Variants in CHRM3 observed in about 807,000 individuals in gnomAD.
CHRM3 encodes cholinergic receptor muscarinic 3.
In CHRM3, 11 loss-of-function variants were observed where a neutral mutation model predicts 41.8. That is an observed-to-expected ratio of 0.26 (90% confidence interval 0.17 to 0.44). The LOEUF is 0.44. Ranked by LOEUF, CHRM3 falls within the 20% of genes least tolerant of loss-of-function variation. CHRM3 has a pLI of 1.00. For missense variants in CHRM3, 571 were observed against 745.4 expected, an observed-to-expected ratio of 0.77 and a Z score of 2.72; for synonymous variants, 297 against 301.4, an observed-to-expected ratio of 0.99 and a Z score of 0.15.
intron 4 of CHRM3, among the ~76,000 whole-genome samples, chr1:239,664,897 C>T (rs1048446614): frequency 2.0e-5 from 3 of 152,064 alleles, no homozygotes; most frequent in Admixed American, 6.6e-5. Context: ...TGCCAAATCT[C>T]CCTCTCCCTT....
chr1:239,833,722 T>C (rs976431490), intron 6 of CHRM3, among the ~76,000 whole-genome samples: 1 of 152,172 alleles, frequency 6.6e-6, no homozygotes, highest in African/African-American at 2.4e-5. Context: ...TGGTGGAGTC[T>C]GAAGGCTCTG....
chr1:239,485,650 C>A (rs1035896013), intron 1 of CHRM3, among the ~76,000 whole-genome samples: 1 of 152,152 alleles, frequency 6.6e-6, no homozygotes, highest in African/African-American at 2.4e-5. Context: ...GATTGCCTCC[C>A]CAAAACATGT....
chr1:239,532,009 C>CTTTTTTTTTTT (rs34798101), intron 2 of CHRM3, among the ~76,000 whole-genome samples: 2 of 76,290 alleles, frequency 2.6e-5, no homozygotes, highest in African/African-American at 1.1e-4. Context: ...TTCCTTCTTT[C>CTTTTTTTTTTT]TTTTTTTTTT....
chr1:239,584,572 A>G (rs1361368676), intron 3 of CHRM3, among the ~76,000 whole-genome samples: 1 of 152,218 alleles, frequency 6.6e-6, no homozygotes, highest in East Asian at 1.9e-4. Context: ...AGAAAAGAAG[A>G]GAGGTAAGAT....
At chr1:239,653,676 A>T (rs990560065) in intron 4 of CHRM3, among the ~76,000 whole-genome samples, 2 of 152,206 alleles carry the variant, frequency 1.3e-5, no homozygotes, top group Non-Finnish European at 2.9e-5. Flanking sequence ...AATAAGACAC[A>T]TCCACTTAAA....
At chr1:239,539,862 C>T (rs1007748061) in intron 2 of CHRM3, among the ~76,000 whole-genome samples, 3 of 152,298 alleles carry the variant, frequency 2.0e-5, no homozygotes, top group Middle Eastern at 3.4e-3. Context: ...AGCGATCCAC[C>T]TGCCTGAGCC....
chr1:239,848,359 C>T (rs893947695), intron 6 of CHRM3, among the ~76,000 whole-genome samples: 5 of 152,242 alleles, frequency 3.3e-5, no homozygotes, highest in Middle Eastern at 3.4e-3. Context: ...TTCTAACCCA[C>T]AACAAATTAC....
At chr1:239,689,230 T>C (rs1659472196) in intron 5 of CHRM3, among the ~76,000 whole-genome samples, 1 of 152,108 alleles carries the variant, frequency 6.6e-6, no homozygotes, top group Non-Finnish European at 1.5e-5. Context: ...TAATCTTTTT[T>C]GTTGAAAAAT....
intron 3 of CHRM3, among the ~76,000 whole-genome samples, chr1:239,582,791 C>T (rs75331891): frequency 0.035 from 5,286 of 152,172 alleles, 337 homozygotes; most frequent in African/African-American, 0.12. Context: ...CAGTGACTAG[C>T]GTGAAATTTC....
intron 3 of CHRM3, among the ~76,000 whole-genome samples, chr1:239,589,170 G>C (rs1663782650): frequency 6.6e-6 from 1 of 152,108 alleles, no homozygotes; most frequent in South Asian, 2.1e-4. Flanking sequence ...CTGACCTCAA[G>C]TGATCCGCCC....
At position 239,907,611 on chromosome 1, in the gene CHRM3, G is replaced by C. The variant is rs200690991; in HGVS notation, c.160G>C (p.Gly54Arg). 2.4e-5 allele frequency: 38 copies of C among 1,614,002 alleles called. No homozygotes were observed. Among genetic ancestry groups the C allele is most frequent in the Non-Finnish European group, 3.2e-5 (38 of 1,180,034 alleles). Residue 54 changes from glycine (G) to arginine (R), a missense_variant, in exon 7 of 7, where the codon GGT (glycine) becomes CGT (arginine). Transcript: ENST00000676153. The surrounding 1 kb of genome is among the most constrained non-coding windows in gnomAD (Gnocchi z 5.4). ...AGCTGGCAATTTCTCCTCTCCAGAC[G>C]GTACCACCGATGACCCTCTGGGAGG... ...RAAGNFSSPD[G>R]TTDDPLGGHT...
chr1:239,800,658 G>C (rs1670140287), intron 5 of CHRM3, among the ~76,000 whole-genome samples: 1 of 152,192 alleles, frequency 6.6e-6, no homozygotes, highest in African/African-American at 2.4e-5. Flanking sequence ...ACCACACTTT[G>C]TGTAACAGGG....
At chr1:239,502,171 T>C (rs1005789475) in intron 2 of CHRM3, among the ~76,000 whole-genome samples, 1 of 152,018 alleles carries the variant, frequency 6.6e-6, no homozygotes, top group Non-Finnish European at 1.5e-5. Context: ...ATAAATAAAA[T>C]TGATAGACAA....
chr1:239,695,582 A>G (rs1054636035), intron 5 of CHRM3, among the ~76,000 whole-genome samples: 4 of 152,162 alleles, frequency 2.6e-5, no homozygotes, highest in Non-Finnish European at 5.9e-5. Flanking sequence ...CTGGGAAACA[A>G]TAAAAGCTCA....
chr1:239,847,321 A>G (rs1350347784), intron 6 of CHRM3, among the ~76,000 whole-genome samples: 1 of 152,230 alleles, frequency 6.6e-6, no homozygotes, highest in Non-Finnish European at 1.5e-5. Flanking sequence ...TTCAGAGAGA[A>G]AGGGAGAATG....
intron 1 of CHRM3, among the ~76,000 whole-genome samples, chr1:239,487,663 A>C (rs1667265840): frequency 6.6e-6 from 1 of 152,170 alleles, no homozygotes; most frequent in African/African-American, 2.4e-5. Flanking sequence ...ATTCCAATCA[A>C]GATAACAATA....
At position 239,463,426 on chromosome 1, in the gene CHRM3, G is replaced by A. The variant is rs149072995; in HGVS notation, c.-520-29283G>A. 5.4e-3 allele frequency among the ~76,000 whole-genome samples: 816 copies of A among 152,058 alleles called. 7 individuals carry two copies. Among genetic ancestry groups the A allele is most frequent in the Middle Eastern group, 0.01 (3 of 294 alleles). On this transcript the variant is annotated intron_variant, in intron 1 of 6. Transcript: ENST00000676153. ...CCCCCAGGAACTGTGCACCTCTGCCGTCTCACTCTAATTCTGTGCTGGACT... is the reference window on the plus strand; with the variant it reads ...CCCCCAGGAACTGTGCACCTCTGCCATCTCACTCTAATTCTGTGCTGGACT...
At chr1:239,604,029 G>T (rs1665931937) in intron 3 of CHRM3, among the ~76,000 whole-genome samples, 1 of 151,762 alleles carries the variant, frequency 6.6e-6, no homozygotes, top group Admixed American at 6.6e-5. Flanking sequence ...AAAATGAAGG[G>T]GATTCATAAA....
At chr1:239,390,218 A>G (rs1658907629) in intron 1 of CHRM3, among the ~76,000 whole-genome samples, 1 of 152,214 alleles carries the variant, frequency 6.6e-6, no homozygotes, top group Admixed American at 6.5e-5. Flanking sequence ...TCAGCATAAT[A>G]AAATGTGCCT....
Sources: allele counts gnomAD v4.1 joint callset (sites outside exome capture counted in the v4.1 genomes callset), GRCh38; gene constraint gnomAD v4.1.1; non-coding constraint Gnocchi (gnomAD v3.1); transcripts MANE v1.5; gene names NCBI Gene and HGNC (gene_info 2026-07-23, HGNC 2026-07-21).